The following PTPRD variants were observed in gnomAD, a reference collection of about 807,000 sequenced individuals.
PTPRD encodes protein tyrosine phosphatase receptor type D, also known as receptor-type tyrosine-protein phosphatase delta.
Under a neutral mutation model 214.5 loss-of-function variants are expected in PTPRD, and 34 were observed. The ratio of observed to expected loss-of-function variants is 0.16; its 90% CI spans 0.12 to 0.21. The LOEUF (loss-of-function observed/expected upper bound fraction) is 0.21, where lower values mean the gene tolerates loss of function less well. Among genes scored for constraint, PTPRD ranks in the 10% least tolerant of loss-of-function variants. The probability of loss-of-function intolerance (pLI) is 1.00; values close to 1 mark genes in which losing one functional copy is unlikely to be tolerated. For missense variants in PTPRD, 2,545 were observed against 2,398.7 expected (o/e 1.06, Z -1.27); for synonymous variants, 1,128 against 845.7 (o/e 1.33, Z -5.79).
At chr9:9,177,921 G>A (rs1029340942) in intron 10 of PTPRD, among the ~76,000 whole-genome samples, 11 of 152,082 alleles carry the variant, frequency 7.2e-5, no homozygotes, top group African/African-American at 2.4e-4. Flanking sequence ...TTGATACATG[G>A]TATTTAATTG....
At chr9:9,982,097 G>T (rs1223433304) in intron 4 of PTPRD, among the ~76,000 whole-genome samples, 1 of 152,168 alleles carries the variant, frequency 6.6e-6, no homozygotes, top group African/African-American at 2.4e-5. Context: ...TTGGTGGACA[G>T]CTTCTTGAGC....
chr9:8,672,459 G>A (rs558212098), intron 12 of PTPRD, among the ~76,000 whole-genome samples: 1 of 152,100 alleles, frequency 6.6e-6, no homozygotes, highest in East Asian at 1.9e-4. Flanking sequence ...GTAATCTTTC[G>A]TGCTTTATTA....
chr9:9,815,670 A>T (rs1261929724), intron 5 of PTPRD, among the ~76,000 whole-genome samples: 1 of 152,080 alleles, frequency 6.6e-6, no homozygotes, highest in Non-Finnish European at 1.5e-5. Flanking sequence ...GATGTATGAT[A>T]TCACTTATAT....
At chr9:8,432,846 C>T (rs534697328) in intron 35 of PTPRD, among the ~76,000 whole-genome samples, 1 of 152,300 alleles carries the variant, frequency 6.6e-6, no homozygotes, top group Admixed American at 6.5e-5. Context: ...TCATCATGAA[C>T]ATCAGTGAAG....
intron 7 of PTPRD, among the ~76,000 whole-genome samples, chr9:9,639,223 C>G (rs1198778826): frequency 6.6e-6 from 1 of 152,158 alleles, no homozygotes; most frequent in Non-Finnish European, 1.5e-5. Context: ...AGTCTTAGAT[C>G]CTAAGCTCCA....
chr9:10,321,759 T>C (rs547353572), intron 3 of PTPRD, among the ~76,000 whole-genome samples: 1 of 152,158 alleles, frequency 6.6e-6, no homozygotes, highest in Admixed American at 6.5e-5. Context: ...GATTAATATA[T>C]AGAATTAAGA....
intron 2 of PTPRD, among the ~76,000 whole-genome samples, chr9:10,592,031 C>T (rs1322290): frequency 0.18 from 27,466 of 152,040 alleles, 3,397 homozygotes; most frequent in East Asian, 0.53. Context: ...AGTCACTCAG[C>T]ATAAGAGTAC....
chr9:9,268,742 G>A (rs1254892920), intron 9 of PTPRD, among the ~76,000 whole-genome samples: 3 of 147,060 alleles, frequency 2.0e-5, no homozygotes, highest in Non-Finnish European at 4.5e-5. Context: ...AAGATGCCAA[G>A]AATACACAAT....
chr9:8,465,817 T>A, intron 31 of PTPRD, 142 bp from the exon 32 acceptor site: 1 of 663,564 alleles, frequency 1.5e-6, no homozygotes, highest in Non-Finnish European at 2.5e-6. Context: ...TCAGCATCAC[T>A]AAATCTCAGT....
intron 9 of PTPRD, among the ~76,000 whole-genome samples, chr9:9,193,531 A>G (rs745811014): frequency 5.9e-5 from 9 of 152,126 alleles, no homozygotes; most frequent in Non-Finnish European, 1.0e-4. Context: ...GCCTACTACA[A>G]ACCTAGGCTA....
At chr9:9,415,001 CTT>C (rs2076575887) in intron 8 of PTPRD, among the ~76,000 whole-genome samples, 1 of 152,176 alleles carries the variant, frequency 6.6e-6, no homozygotes, top group Non-Finnish European at 1.5e-5. Flanking sequence ...TCCTGAAACT[CTT>C]TATAACTTTT....
intron 2 of PTPRD, among the ~76,000 whole-genome samples, chr9:10,509,748 C>G (rs1258026026): frequency 6.6e-6 from 1 of 151,170 alleles, no homozygotes; most frequent in Non-Finnish European, 1.5e-5. Context: ...AAACCAAGAT[C>G]TGGATGCTAC....
At chr9:9,064,529 G>C (rs1340489585) in intron 10 of PTPRD, among the ~76,000 whole-genome samples, 1 of 152,082 alleles carries the variant, frequency 6.6e-6, no homozygotes, top group Non-Finnish European at 1.5e-5. Context: ...ACATTTCAAG[G>C]TCAGACTCTT....
At chr9:9,181,962 G>A (rs1161700852) in intron 10 of PTPRD, among the ~76,000 whole-genome samples, 2 of 151,968 alleles carry the variant, frequency 1.3e-5, no homozygotes, top group Non-Finnish European at 2.9e-5. Context: ...TATACAAATT[G>A]CTGAAACATA....
In PTPRD at chr9:9,161,250, G is replaced by T. The variant is rs532465030; in HGVS notation, c.-143+22054C>A. Among the ~76,000 whole-genome samples, 6 of 152,246 alleles carry T rather than the reference G, an allele frequency of 3.9e-5. No individual in the cohort carries two copies. In the South Asian group the frequency reaches 1.2e-3, roughly 32 times the overall value. On this transcript the variant is annotated intron_variant, in intron 10 of 45. Coordinates refer to ENST00000381196, the MANE Select transcript of PTPRD (RefSeq NM_002839.4). ...ATAGGTATGTTAATTAGCTTGATTTGATTATCTCACATTGTATATGTATAT... is the reference window on the plus strand; with the variant it reads ...ATAGGTATGTTAATTAGCTTGATTTTATTATCTCACATTGTATATGTATAT...
chr9:8,889,163 G>T lies in PTPRD; in HGVS notation c.-104+129534C>A, dbSNP rs1010725910. Among the ~76,000 whole-genome samples the T allele has an allele frequency of 2.6e-5, 4 of 152,258 alleles. No individual in the cohort carries two copies. In the South Asian group the frequency reaches 8.3e-4, roughly 32 times the overall value. ...AGAGGAGGAGAAAGCTTTAGTCTAG[G>T]ATGGCTTCCCAGATTCTGACTTGGG... On this transcript the variant is annotated intron_variant, in intron 11 of 45. Coordinates refer to ENST00000381196, the MANE Select transcript of PTPRD (RefSeq NM_002839.4).
intron 5 of PTPRD, among the ~76,000 whole-genome samples, chr9:9,924,152 G>C (rs1482734418): frequency 2.0e-5 from 3 of 151,958 alleles, no homozygotes; most frequent in Non-Finnish European, 4.4e-5. Flanking sequence ...ACAACACATT[G>C]AGAGAATAGT....
intron 3 of PTPRD, among the ~76,000 whole-genome samples, chr9:10,095,531 G>C (rs138188082): frequency 1.2e-3 from 189 of 151,630 alleles, no homozygotes; most frequent in African/African-American, 4.2e-3. Flanking sequence ...TTTCAATACA[G>C]AAGACTAGAC....
At chr9:10,527,207 C>G (rs1202828259) in intron 2 of PTPRD, among the ~76,000 whole-genome samples, 2 of 152,102 alleles carry the variant, frequency 1.3e-5, no homozygotes, top group Non-Finnish European at 2.9e-5. Flanking sequence ...CTCTTCATTT[C>G]TTTAAAACAG....
Sources: allele counts gnomAD v4.1 joint callset (sites outside exome capture counted in the v4.1 genomes callset), GRCh38; gene constraint gnomAD v4.1.1; transcripts MANE v1.5; gene names NCBI Gene and HGNC (gene_info 2026-07-23, HGNC 2026-07-21).